RNF144A: variants seen among roughly 807,000 people sequenced by gnomAD.
RNF144A encodes E3 ubiquitin-protein ligase RNF144A.
In RNF144A, 11 loss-of-function variants were observed where a neutral mutation model predicts 38.7. The observed-to-expected ratio is 0.28, with a 90% CI of 0.18 to 0.47. RNF144A has a LOEUF of 0.47. RNF144A is among the 20% of genes least tolerant of loss of function. RNF144A has a pLI of 0.99. For synonymous variants in RNF144A, 149 were observed against 143.9 expected, an observed-to-expected ratio of 1.04 and a Z score of -0.25; for missense variants, 316 against 377.2, an observed-to-expected ratio of 0.84 and a Z score of 1.34.
intron 1 of RNF144A, among the ~76,000 whole-genome samples, chr2:6,932,054 C>T (rs1484360704): frequency 6.6e-6 from 1 of 152,130 alleles, no homozygotes; most frequent in Non-Finnish European, 1.5e-5. Flanking sequence ...TCTGTTTCTC[C>T]CTGCAGTTCT....
intron 2 of RNF144A, among the ~76,000 whole-genome samples, chr2:6,955,746 G>A (rs530178061): frequency 6.6e-6 from 1 of 152,262 alleles, no homozygotes; most frequent in African/African-American, 2.4e-5. Flanking sequence ...AGCCTGTCCA[G>A]TGTCCCAAAA....
At chr2:6,936,083 G>T (rs369242696) in intron 1 of RNF144A, among the ~76,000 whole-genome samples, 5 of 152,356 alleles carry the variant, frequency 3.3e-5, no homozygotes, top group Admixed American at 3.3e-4. Flanking sequence ...AGTGAAGGCA[G>T]GGGGAGCTTC....
intron 6 of RNF144A, among the ~76,000 whole-genome samples, chr2:7,060,001 A>G (rs1014934937): frequency 2.0e-5 from 3 of 152,370 alleles, no homozygotes; most frequent in Admixed American, 1.3e-4. Context: ...TTAAAATGCT[A>G]TCATAGGAAA....
intron 2 of RNF144A, among the ~76,000 whole-genome samples, chr2:6,963,398 T>C (rs779794988): frequency 2.5e-4 from 38 of 152,364 alleles, no homozygotes; most frequent in Middle Eastern, 3.4e-3. Context: ...CCTCTCTCAG[T>C]ATCATGTCAC....
intron 3 of RNF144A, among the ~76,000 whole-genome samples, chr2:7,000,286 G>T (rs571171684): frequency 7.2e-5 from 11 of 152,322 alleles, no homozygotes; most frequent in Admixed American, 6.5e-4. Context: ...GAACATTTGT[G>T]TGCAAAATAG....
chr2:7,023,663 C>T (rs1243176266), intron 6 of RNF144A, among the ~76,000 whole-genome samples: 1 of 152,198 alleles, frequency 6.6e-6, no homozygotes, highest in Non-Finnish European at 1.5e-5. Context: ...CATTGAACTA[C>T]TGCTACCCTT....
At position 7,043,381 on chromosome 2, in the gene RNF144A, T is replaced by G; in HGVS notation, c.*3621T>G. On this transcript the variant is annotated 3_prime_UTR_variant, in exon 9 of 9. Coordinates refer to ENST00000320892, the MANE Select transcript of RNF144A (RefSeq NM_014746.6). ...AAAAAACATTTTTTTCTTGGTAGTC[T>G]TTAAAAATTAGGGGATTGAAAGGAT... is the stretch of plus-strand genomic sequence containing the variant. 2.0e-6 allele frequency: 2 copies of G among 985,470 alleles called. No homozygotes were observed. Among genetic ancestry groups the G allele is most frequent in the Non-Finnish European group, 2.4e-6 (2 of 829,774 alleles). The allele number at this position is 985,470 out of a possible 1,614,324, so 61.0% of individuals were successfully genotyped here.
At chr2:7,029,076 T>A (rs1672105965) in intron 7 of RNF144A, among the ~76,000 whole-genome samples, 1 of 152,234 alleles carries the variant, frequency 6.6e-6, no homozygotes, top group African/African-American at 2.4e-5. Flanking sequence ...CAGAAGGCCA[T>A]GACCCCTGAC....
At chr2:6,991,823 CAT>C (rs904462429) in intron 2 of RNF144A, among the ~76,000 whole-genome samples, 4 of 151,934 alleles carry the variant, frequency 2.6e-5, no homozygotes, top group African/African-American at 4.8e-5. Context: ...CTCATAAATA[CAT>C]ATATATATGT....
At chr2:7,049,132 A>G (rs1342309361), downstream of RNF144A, among the ~76,000 whole-genome samples, 1 of 152,210 alleles carries the variant, frequency 6.6e-6, no homozygotes, top group Non-Finnish European at 1.5e-5. Flanking sequence ...GTGCAAAGGT[A>G]TCCCTCTGAG....
chr2:6,979,056 G>A (rs1668475471), intron 2 of RNF144A, among the ~76,000 whole-genome samples: 1 of 152,198 alleles, frequency 6.6e-6, no homozygotes, highest in African/African-American at 2.4e-5. Flanking sequence ...AGAGACAGGA[G>A]CAGCCTTGTG....
intron 2 of RNF144A, among the ~76,000 whole-genome samples, chr2:6,961,203 G>A (rs1667310553): frequency 6.6e-6 from 1 of 151,770 alleles, no homozygotes; most frequent in African/African-American, 2.4e-5. Context: ...ATGGGTTTCT[G>A]GTTACTTCTT....
At chr2:6,984,884 G>A (rs372064968) in intron 2 of RNF144A, among the ~76,000 whole-genome samples, 4 of 152,136 alleles carry the variant, frequency 2.6e-5, no homozygotes, top group African/African-American at 4.8e-5. Context: ...GGGTCCACTC[G>A]TGCATCCCAC....
intron 2 of RNF144A, among the ~76,000 whole-genome samples, chr2:6,979,658 A>G (rs1189385451): frequency 2.6e-5 from 4 of 152,194 alleles, no homozygotes; most frequent in Non-Finnish European, 5.9e-5. Context: ...CAGGCTCCAC[A>G]GAAGCCTCCA....
At chr2:6,920,137 T>C (rs764002329) in intron 1 of RNF144A, among the ~76,000 whole-genome samples, 16 of 152,222 alleles carry the variant, frequency 1.1e-4, no homozygotes, top group African/African-American at 2.4e-4. Context: ...ACAAGCTACG[T>C]TGCCTGCCTC....
downstream of RNF144A, among the ~76,000 whole-genome samples, chr2:7,046,134 A>G (rs998595813): frequency 2.6e-5 from 4 of 152,230 alleles, no homozygotes; most frequent in Non-Finnish European, 5.9e-5. Context: ...ACTTGTTTGC[A>G]GGAGGTACAT....
intron 1 of RNF144A, among the ~76,000 whole-genome samples, chr2:6,923,198 A>G (rs1208339222): frequency 6.6e-6 from 1 of 152,236 alleles, no homozygotes; most frequent in Non-Finnish European, 1.5e-5. Flanking sequence ...TTTGGGTGGT[A>G]GGAAGTGTTC....
chr2:7,021,425 C>T (rs186528232), intron 6 of RNF144A, among the ~76,000 whole-genome samples: 8 of 152,226 alleles, frequency 5.3e-5, no homozygotes, highest in African/African-American at 9.6e-5. Flanking sequence ...TGTTCCTTTC[C>T]GTGTGACCCC....
At chr2:7,016,085 C>T (rs1572406930) in intron 5 of RNF144A, among the ~76,000 whole-genome samples, 1 of 114,580 alleles carries the variant, frequency 8.7e-6, no homozygotes, top group Non-Finnish European at 1.7e-5. Flanking sequence ...GCCTGGGCAA[C>T]ATATTGAGAC....
Sources: allele counts gnomAD v4.1 joint callset (sites outside exome capture counted in the v4.1 genomes callset), GRCh38; gene constraint gnomAD v4.1.1; transcripts MANE v1.5; gene names NCBI Gene and HGNC (gene_info 2026-07-23, HGNC 2026-07-21).